Variants in TAF2 observed in about 807,000 individuals in gnomAD.
The protein encoded by TAF2 is TATA-box binding protein associated factor 2, also known as transcription initiation factor TFIID subunit 2.
Under a neutral mutation model 138.5 loss-of-function variants are expected in TAF2, and 61 were observed. The observed-to-expected ratio is 0.44, with a 90% CI of 0.36 to 0.54. The LOEUF (loss-of-function observed/expected upper bound fraction) is 0.54. Ranked by LOEUF, TAF2 falls within the 20% of genes least tolerant of loss-of-function variation. TAF2 has a pLI of 0.00. For synonymous variants in TAF2, 475 were observed against 469.9 expected (o/e 1.01, Z -0.14); for missense variants, 1,090 against 1,427.9 (o/e 0.76, Z 3.81).
Position 119,795,041 on chromosome 8 carries a change from TA to T in TAF2, c.1191+490del, listed in dbSNP as rs575596447. 9.7e-3 allele frequency among the ~76,000 whole-genome samples: 1,368 copies of T among 141,420 alleles called. 12 individuals carry two copies. Among genetic ancestry groups the T allele is most frequent in the African/African-American group, 0.027 (1,029 of 38,812 alleles). 92.8% of individuals were successfully genotyped at this position (141,420 alleles called of 152,430 possible). ...CTTTTTGGCCAAATCTTTAAATCGTTAAAAAAAAAAAAAAGATGTGACAATG... is the reference window on the plus strand; with the variant it reads ...CTTTTTGGCCAAATCTTTAAATCGTTAAAAAAAAAAAAAGATGTGACAATG... On this transcript the variant is annotated intron_variant, in intron 9 of 25. Coordinates refer to ENST00000378164, the MANE Select transcript of TAF2 (RefSeq NM_003184.4).
At chr8:119,796,634 G>C (rs911812991) in intron 8 of TAF2, among the ~76,000 whole-genome samples, 1 of 151,970 alleles carries the variant, frequency 6.6e-6, no homozygotes, top group Non-Finnish European at 1.5e-5. Flanking sequence ...AATTCATTCA[G>C]TTCTTTAAGA....
At chr8:119,774,132 C>T (rs1336175907) in intron 18 of TAF2, among the ~76,000 whole-genome samples, 1 of 151,628 alleles carries the variant, frequency 6.6e-6, no homozygotes, top group Non-Finnish European at 1.5e-5. Context: ...GATGGCGCCA[C>T]TGCACCCTAG....
chr8:119,789,838 A>T, intron 11 of TAF2, 92 bp from the exon 12 acceptor site: 2 of 1,246,272 alleles, frequency 1.6e-6, no homozygotes, highest in South Asian at 1.3e-5. Context: ...TATTGTAGTC[A>T]ATTATAGAAG....
At chr8:119,807,837 A>G (rs2131224953) in intron 3 of TAF2, among the ~76,000 whole-genome samples, 1 of 152,242 alleles carries the variant, frequency 6.6e-6, no homozygotes, top group Middle Eastern at 3.4e-3. Flanking sequence ...CACGAGAATC[A>G]CTTGAGCCTG....
chr8:119,803,471 AC>A (rs1303090166), intron 5 of TAF2, among the ~76,000 whole-genome samples: 1 of 152,194 alleles, frequency 6.6e-6, no homozygotes, highest in Non-Finnish European at 1.5e-5. Context: ...CAGGCAGATC[AC>A]TTGAGGTCAG....
At chr8:119,746,610 T>C in intron 23 of TAF2, 95 bp downstream of exon 23, 2 of 1,267,784 alleles carry the variant, frequency 1.6e-6, no homozygotes, top group South Asian at 2.4e-5. Flanking sequence ...ACTGTGTTAG[T>C]GGCTATAAAA....
chr8:119,797,532 G>T, intron 7 of TAF2, 130 bp downstream of exon 7: 1 of 931,414 alleles, frequency 1.1e-6, no homozygotes, highest in Non-Finnish European at 1.6e-6. Context: ...ACCAAATTTT[G>T]TACAAAGCCA....
At chr8:119,783,719 A>G in intron 15 of TAF2, 86 bp from the exon 16 acceptor site, 2 of 1,465,818 alleles carry the variant, frequency 1.4e-6, no homozygotes, top group Non-Finnish European at 9.2e-7. Flanking sequence ...GCATTTATTT[A>G]CCAGGTTTCC....
intron 3 of TAF2, among the ~76,000 whole-genome samples, chr8:119,815,376 G>A (rs1825387181): frequency 1.3e-5 from 2 of 151,166 alleles, no homozygotes; most frequent in Non-Finnish European, 1.5e-5. Context: ...CTGGATTCAC[G>A]CCATTCTCCT....
chr8:119,797,987 T>A, intron 6 of TAF2, 141 bp from the exon 7 acceptor site: 1 of 815,106 alleles, frequency 1.2e-6, no homozygotes, highest in Non-Finnish European at 1.9e-6. Flanking sequence ...GAAAATGTTG[T>A]GAAAATAGTG....
At chr8:119,757,615 C>T (rs1462802097) in intron 21 of TAF2, among the ~76,000 whole-genome samples, 4 of 146,058 alleles carry the variant, frequency 2.7e-5, no homozygotes, top group African/African-American at 5.1e-5. Flanking sequence ...TAGCTGAGTG[C>T]GGTGGCTCAC....
intron 2 of TAF2, 89 bp from the exon 3 acceptor site, chr8:119,819,595 A>G: frequency 9.1e-7 from 1 of 1,096,812 alleles, no homozygotes; most frequent in Non-Finnish European, 1.4e-6. Context: ...TACACATATT[A>G]TACTACAGAG....
chr8:119,787,141 T>C (rs1041225173), intron 14 of TAF2, among the ~76,000 whole-genome samples: 1 of 152,138 alleles, frequency 6.6e-6, no homozygotes, highest in Non-Finnish European at 1.5e-5. Flanking sequence ...GAAAAATTTT[T>C]GCAATCTATC....
chr8:119,741,832 C>T (rs1819617378), intron 25 of TAF2, among the ~76,000 whole-genome samples: 1 of 152,036 alleles, frequency 6.6e-6, no homozygotes, highest in South Asian at 2.1e-4. Flanking sequence ...TTTTTCACTC[C>T]CTGTTCCTTG....
intron 10 of TAF2, among the ~76,000 whole-genome samples, chr8:119,792,432 T>C (rs1586450568): frequency 2.0e-5 from 3 of 152,294 alleles, no homozygotes; most frequent in South Asian, 2.1e-4. Flanking sequence ...ATTACAGGCA[T>C]GAGCCCCCGC....
intron 2 of TAF2, among the ~76,000 whole-genome samples, chr8:119,820,137 C>G (rs1454758526): frequency 2.0e-5 from 3 of 152,146 alleles, no homozygotes; most frequent in Non-Finnish European, 4.4e-5. Flanking sequence ...CTGTATCCAA[C>G]ACATGAAAAA....
rs1824442869 is a variant in TAF2, at chr8:119,803,997, G to A, written c.441C>T (p.His147=). The change falls in exon 5 of 26, where the codon CAC becomes CAT. Residue 147 remains histidine (H), a synonymous_variant. Transcript: ENST00000378164. Reference sequence around the variant, plus strand: ...TGGGCTGATCCAAAGAAAAATTGATGTGTATCTTCAGGACCTTTAACTCTG... The same window carrying A: ...TGGGCTGATCCAAAGAAAAATTGATATGTATCTTCAGGACCTTTAACTCTG... The part of the protein sequence containing the change: ...HVDELKVLKI[H]INFSLDQPKG... 1.2e-6 allele frequency: 2 copies of A among 1,613,910 alleles called. No individual in the cohort carries two copies. The highest frequency in any genetic ancestry group is 8.5e-7 in the Non-Finnish European group (1 of 1,180,002).
At chr8:119,761,020 T>G (rs566042415) in intron 19 of TAF2, among the ~76,000 whole-genome samples, 1 of 152,302 alleles carries the variant, frequency 6.6e-6, no homozygotes, top group African/African-American at 2.4e-5. Flanking sequence ...GTTTATTATG[T>G]CTACTGTAGT....
At chr8:119,787,717 G>A (rs1474873111) in intron 14 of TAF2, among the ~76,000 whole-genome samples, 2 of 152,198 alleles carry the variant, frequency 1.3e-5, no homozygotes, top group Non-Finnish European at 2.9e-5. Context: ...AATACTATTT[G>A]ACCCAGAAAT....
Sources: gnomAD v4.1 joint callset for allele counts (sites outside exome capture counted in the v4.1 genomes callset) on GRCh38, gnomAD v4.1.1 for gene constraint, MANE v1.5 for transcripts, NCBI Gene and HGNC (gene_info 2026-07-23, HGNC 2026-07-21) for gene names.